Variants in NEK10 observed in about 807,000 individuals in gnomAD.
NEK10 encodes the protein serine/threonine-protein kinase Nek10.
Under a neutral mutation model 159.8 loss-of-function variants are expected in NEK10, and 122 were observed. The observed-to-expected ratio is 0.76, with a 90% CI of 0.66 to 0.89. The LOEUF is 0.89. Among genes scored for constraint, NEK10 ranks in the 40% least tolerant of loss-of-function variants. NEK10 has a pLI of 0.00. For missense variants in NEK10, 1,342 were observed against 1,323.1 expected, an observed-to-expected ratio of 1.01 and a Z score of -0.22; for synonymous variants, 466 against 457.1, an observed-to-expected ratio of 1.02 and a Z score of -0.25.
chr3:27,334,676 T>C (rs2046672080), intron 5 of NEK10, among the ~76,000 whole-genome samples: 2 of 152,180 alleles, frequency 1.3e-5, no homozygotes, highest in African/African-American at 4.8e-5. Flanking sequence ...ACAACTGTAC[T>C]CACCCAGAAT....
Position 27,110,958 on chromosome 3 carries a change from A to T in NEK10, c.*314T>A, listed in dbSNP as rs912830992. ...AATGTTAAGGAAAATTCTGTAAGAG[A>T]GTTTTTTTGTTGTTGTTTTTGGGTT... is the stretch of plus-strand genomic sequence containing the variant. On this transcript the variant is annotated 3_prime_UTR_variant, in exon 36 of 36. Transcript: ENST00000691995. 7 of 242,286 alleles carry T rather than the reference A, an allele frequency of 2.9e-5. No homozygotes were observed. The highest frequency in any genetic ancestry group is 4.7e-5 in the Non-Finnish European group (6 of 127,488). The allele number at this position is 242,286 out of a possible 1,614,324, so 15.0% of individuals were successfully genotyped here.
intron 23 of NEK10, chr3:27,215,957 A>G (rs1951485756): frequency 7.2e-6 from 4 of 552,994 alleles, no homozygotes; most frequent in Non-Finnish European, 1.3e-5. Context: ...CCATAATACA[A>G]TCACCTCCCA....
intron 26 of NEK10, among the ~76,000 whole-genome samples, chr3:27,189,766 T>A (rs1948953770): frequency 6.6e-6 from 1 of 152,148 alleles, no homozygotes. Context: ...AACATTTGGT[T>A]AACCTTGAAA....
rs574697148 is a variant in NEK10 at position 27,116,069 on chromosome 3, C to T, written c.3243+6G>A. The T allele has an allele frequency of 7.4e-6, 12 of 1,613,512 alleles. No homozygotes were observed. The highest frequency in any genetic ancestry group is 2.2e-5 in the South Asian group (2 of 91,068). On this transcript the variant is annotated splice_donor_region_variant and intron_variant, in intron 34 of 35. Transcript: ENST00000691995. ...AAATCATTCAGAGACACTGCAAAAACCTCACCTGCATCTGTTCATATGTTA... is the reference window on the plus strand; with the variant it reads ...AAATCATTCAGAGACACTGCAAAAATCTCACCTGCATCTGTTCATATGTTA...
At chr3:27,360,437 G>T (rs1330207555) in intron 1 of NEK10, among the ~76,000 whole-genome samples, 1 of 152,200 alleles carries the variant, frequency 6.6e-6, no homozygotes, top group Non-Finnish European at 1.5e-5. Flanking sequence ...GTCACCAGTT[G>T]CAGACCATGA....
intron 5 of NEK10, among the ~76,000 whole-genome samples, chr3:27,325,419 T>C (rs1559503998): frequency 6.6e-6 from 1 of 152,104 alleles, no homozygotes; most frequent in Non-Finnish European, 1.5e-5. Context: ...AGCAATTACT[T>C]GAGTTGTGGA....
At chr3:27,260,298 A>C (rs191461760) in intron 22 of NEK10, among the ~76,000 whole-genome samples, 24 of 152,280 alleles carry the variant, frequency 1.6e-4, no homozygotes, top group Middle Eastern at 3.4e-3. Flanking sequence ...GTCTTGTGCC[A>C]GTTTTCAAAG....
intron 22 of NEK10, among the ~76,000 whole-genome samples, chr3:27,279,131 C>T (rs983805511): frequency 4.6e-5 from 7 of 152,216 alleles, no homozygotes; most frequent in African/African-American, 1.7e-4. Context: ...TGCCAGCATG[C>T]TTACTATAAA....
intron 31 of NEK10, among the ~76,000 whole-genome samples, chr3:27,137,722 G>A (rs370118341): frequency 1.8e-4 from 27 of 152,268 alleles, no homozygotes; most frequent in African/African-American, 4.8e-4. Flanking sequence ...AAAGTGATCA[G>A]TTTTAGACTC....
At chr3:27,348,979 C>T (rs574264830) in intron 3 of NEK10, among the ~76,000 whole-genome samples, 1 of 152,210 alleles carries the variant, frequency 6.6e-6, no homozygotes, top group African/African-American at 2.4e-5. Context: ...GTTGCAGACA[C>T]ATCATATACC....
At position 27,270,644 on chromosome 3, in the gene NEK10, T is replaced by A. The variant is rs1045096107; in HGVS notation, c.2014+13958A>T. 3.9e-5 allele frequency among the ~76,000 whole-genome samples: 6 copies of A among 152,180 alleles called. No homozygotes were observed. In the East Asian group the frequency reaches 1.2e-3, roughly 29 times the overall value. On this transcript the variant is annotated intron_variant, in intron 22 of 35. Transcript: ENST00000691995. ...ACTGAGCTATTCCTCCCGAACAGACTCCCTCCCTCCATCTCTCCTCATGAA... is the reference window on the plus strand; with the variant it reads ...ACTGAGCTATTCCTCCCGAACAGACACCCTCCCTCCATCTCTCCTCATGAA...
intron 6 of NEK10, among the ~76,000 whole-genome samples, chr3:27,317,905 C>T (rs1450668685): frequency 6.6e-6 from 1 of 152,146 alleles, no homozygotes; most frequent in Admixed American, 6.5e-5. Context: ...CGGGTTCACG[C>T]CATTCTTCTG....
chr3:27,185,244 A>G (rs1948504159), intron 26 of NEK10, among the ~76,000 whole-genome samples: 1 of 152,238 alleles, frequency 6.6e-6, no homozygotes, highest in Non-Finnish European at 1.5e-5. Context: ...TGACTCTGGC[A>G]ATATCAAATT....
At chr3:27,286,113 T>TCTCA (rs2042581355) in intron 20 of NEK10, among the ~76,000 whole-genome samples, 1 of 124,518 alleles carries the variant, frequency 8.0e-6, no homozygotes. Flanking sequence ...TGAGATGGAG[T>TCTCA]CTCACTCTGT....
At chr3:27,259,646 G>A (rs960270040) in intron 22 of NEK10, among the ~76,000 whole-genome samples, 5 of 152,272 alleles carry the variant, frequency 3.3e-5, no homozygotes, top group African/African-American at 9.6e-5. Context: ...TTGAAGTCAG[G>A]TAGAGTGATG....
chr3:27,239,870 A>AT (rs199917774), intron 23 of NEK10, among the ~76,000 whole-genome samples: 105 of 151,970 alleles, frequency 6.9e-4, no homozygotes, highest in African/African-American at 2.0e-3. Flanking sequence ...GGAACACTAG[A>AT]TTTTTTTTTA....
At chr3:27,159,709 G>A (rs1575049425) in intron 30 of NEK10, among the ~76,000 whole-genome samples, 1 of 151,806 alleles carries the variant, frequency 6.6e-6, no homozygotes, top group South Asian at 2.1e-4. Flanking sequence ...ATAGAACAAG[G>A]GGATTTTTAA....
chr3:27,217,870 T>C (rs1353662385), intron 23 of NEK10, among the ~76,000 whole-genome samples: 1 of 152,186 alleles, frequency 6.6e-6, no homozygotes, highest in Admixed American at 6.5e-5. Flanking sequence ...TACCAAACCC[T>C]ATACAAACTT....
chr3:27,252,320 C>A, intron 23 of NEK10: 2 of 429,952 alleles, frequency 4.7e-6, no homozygotes, highest in South Asian at 1.7e-5. Flanking sequence ...AAGCAAAGAG[C>A]AGAATGAAGT....
Sources: gnomAD v4.1 joint callset for allele counts (sites outside exome capture counted in the v4.1 genomes callset) on GRCh38, gnomAD v4.1.1 for gene constraint, MANE v1.5 for transcripts, NCBI Gene and HGNC (gene_info 2026-07-23, HGNC 2026-07-21) for gene names.